The following BRWD3 variants were observed in gnomAD, a reference collection of about 807,000 sequenced individuals.
BRWD3 encodes bromodomain and WD repeat domain containing 3, also known as bromodomain and WD repeat-containing protein 3.
BRWD3 carries 10 observed loss-of-function variants against 149.7 expected under a neutral mutation model. The ratio of observed to expected loss-of-function variants is 0.07; its 90% CI spans 0.04 to 0.11. The LOEUF (loss-of-function observed/expected upper bound fraction) is 0.11. Among genes scored for constraint, BRWD3 ranks in the 10% least tolerant of loss-of-function variants. BRWD3 has a pLI of 1.00. For missense variants in BRWD3, 940 were observed against 1,373.2 expected (o/e 0.68, Z 4.99); for synonymous variants, 504 against 456.7 (o/e 1.10, Z -1.32).
chrX:80,748,907 T>C (rs1299235090), intron 6 of BRWD3, among the ~76,000 whole-genome samples: 5 of 111,561 alleles, frequency 4.5e-5, no homozygotes, highest in Non-Finnish European at 9.4e-5. Flanking sequence ...TTTTGGTAGG[T>C]TGTGTTTCCA....
At chrX:80,737,389 T>C (rs2073419754) in intron 8 of BRWD3, among the ~76,000 whole-genome samples, 1 of 112,262 alleles carries the variant, frequency 8.9e-6, no homozygotes, top group Non-Finnish European at 1.9e-5. Flanking sequence ...TAAGGGATAA[T>C]GACAAGAAAA....
At chrX:80,788,153 T>C (rs12688780) in intron 6 of BRWD3, among the ~76,000 whole-genome samples, 1 of 105,873 alleles carries the variant, frequency 9.4e-6, no homozygotes, top group South Asian at 4.2e-4. Flanking sequence ...GGTAATAAAA[T>C]AGGGCCAGGG....
chrX:80,749,682 G>C (rs999864799), intron 6 of BRWD3, among the ~76,000 whole-genome samples: 7 of 110,347 alleles, frequency 6.3e-5, no homozygotes, highest in African/African-American at 2.3e-4. Flanking sequence ...AACATTTACA[G>C]ATCTAATGCA....
At chrX:80,735,803 C>CAA (rs571194692) in intron 9 of BRWD3, among the ~76,000 whole-genome samples, 185 bp downstream of exon 9, 16 of 45,452 alleles carry the variant, frequency 3.5e-4, no homozygotes, top group East Asian at 1.4e-3. Flanking sequence ...GACTCTGTCT[C>CAA]AAAAAAAAAA....
intron 20 of BRWD3, among the ~76,000 whole-genome samples, chrX:80,715,444 CCA>C (rs762617252): frequency 3.6e-5 from 4 of 111,737 alleles, no homozygotes. Flanking sequence ...CTTCAAATTA[CCA>C]CACTCTACAG....
chrX:80,720,500 A>G (rs1206943587), intron 17 of BRWD3, among the ~76,000 whole-genome samples: 1 of 112,264 alleles, frequency 8.9e-6, no homozygotes, highest in Non-Finnish European at 1.9e-5. Flanking sequence ...ACAGCTGTAC[A>G]ATGTATTTGT....
Position 80,689,821 on chromosome X carries a change from C to A in BRWD3, c.3754G>T (p.Asp1252Tyr), listed in dbSNP as rs769240720. Residue 1252 changes from aspartate to tyrosine, a missense_variant, in exon 33 of 41, where the codon GAT becomes TAT. By Grantham distance (160) the Asp-to-Tyr change is radical. Around this residue, in one of 6 missense-constraint regions of BRWD3, gnomAD observed 349 missense variants for 419.6 expected, o/e 0.83. Coordinates refer to ENST00000373275, the MANE Select transcript of BRWD3 (RefSeq NM_153252.5). ...TCTGCTTTAATTTTATTATAAGTATCCAGTATATCAGTACAGCTCTGATCC... is the reference window on the plus strand; with the variant it reads ...TCTGCTTTAATTTTATTATAAGTATACAGTATATCAGTACAGCTCTGATCC... ...IGDQSCTDIL[D>Y]TYNKIKAEER... 2 of 1,200,751 alleles carry A rather than the reference C, an allele frequency of 1.7e-6. No homozygotes were observed. Among genetic ancestry groups the A allele is most frequent in the Non-Finnish European group, 2.3e-6 (2 of 887,057 alleles).
chrX:80,691,878 G>T lies in BRWD3; in HGVS notation c.3426C>A (p.Ser1142=). 8.3e-7 allele frequency: 1 copy of T among 1,210,418 alleles called. No individual in the cohort carries two copies. The highest frequency in any genetic ancestry group is 1.1e-6 in the Non-Finnish European group (1 of 895,188). ...KPQEGEWGAH[S]RDEECERVIQ... is the part of the protein sequence containing the mutation. Reference sequence around the variant, plus strand: ...TAACCCGTTCACATTCTTCGTCTCTGGAATGAGCCCCCCACTCTCCTTCCT... The same window carrying T: ...TAACCCGTTCACATTCTTCGTCTCTTGAATGAGCCCCCCACTCTCCTTCCT... The change falls in exon 30 of 41, where the codon TCC becomes TCA. Residue 1142 remains serine, a synonymous_variant. Transcript: ENST00000373275.
intron 6 of BRWD3, among the ~76,000 whole-genome samples, chrX:80,781,600 G>T (rs1238032869): frequency 1.8e-5 from 2 of 110,968 alleles, no homozygotes; most frequent in African/African-American, 6.6e-5. Flanking sequence ...TCGTGCAGTT[G>T]AGATTTCCTC....
At chrX:80,799,645 C>T (rs1484494088) in intron 4 of BRWD3, among the ~76,000 whole-genome samples, 1 of 111,787 alleles carries the variant, frequency 8.9e-6, no homozygotes, top group Non-Finnish European at 1.9e-5. Flanking sequence ...AGCTTTATAT[C>T]AATGTAAGTG....
At chrX:80,685,680 C>T in intron 35 of BRWD3, 144 bp from the exon 36 acceptor site, 1 of 489,096 alleles carries the variant, frequency 2.0e-6, no homozygotes, top group Non-Finnish European at 3.6e-6. Context: ...AGGAATTGTA[C>T]ATTCGTCATT....
At chrX:80,709,817 G>T in intron 20 of BRWD3, 1 of 471,815 alleles carries the variant, frequency 2.1e-6, no homozygotes, top group South Asian at 3.4e-5. Flanking sequence ...AAAAGTCTGG[G>T]TTGCAAAGTC....
At chrX:80,713,947 C>T (rs1340821240) in intron 20 of BRWD3, among the ~76,000 whole-genome samples, 1 of 111,668 alleles carries the variant, frequency 9.0e-6, no homozygotes, top group East Asian at 2.8e-4. Flanking sequence ...TCCAACCTGA[C>T]TTTGGCATAG....
chrX:80,704,341 A>G (rs752055658), intron 23 of BRWD3, among the ~76,000 whole-genome samples: 3 of 112,238 alleles, frequency 2.7e-5, no homozygotes, highest in South Asian at 3.7e-4. Flanking sequence ...ATGAGGACTC[A>G]AAATACCACA....
At chrX:80,710,106 TC>T in intron 20 of BRWD3, 1 of 666,887 alleles carries the variant, frequency 1.5e-6, no homozygotes, top group Non-Finnish European at 2.5e-6. Context: ...AAAAAAATTC[TC>T]CATATTGACA....
At chrX:80,808,894 ACAGCTACGGGTACC>A (rs2074379758) in intron 3 of BRWD3, 105 bp downstream of exon 3, 1 of 821,844 alleles carries the variant, frequency 1.2e-6, no homozygotes, top group African/African-American at 2.1e-5. Flanking sequence ...CCCGGTGACA[ACAGCTACGGGTACC>A]CAGATCGAAG....
At chrX:80,743,019 A>G (rs1277893475) in intron 8 of BRWD3, among the ~76,000 whole-genome samples, 1 of 111,580 alleles carries the variant, frequency 9.0e-6, no homozygotes, top group African/African-American at 3.3e-5. Flanking sequence ...TCAGTGTGAT[A>G]TTGGCTGTGG....
At position 80,672,741 on chromosome X, in the gene BRWD3, A is replaced by G. The variant is rs1447350955; in HGVS notation, c.*3868T>C. The G allele has an allele frequency of 2.7e-5, 3 of 111,722 alleles. No homozygotes were observed. The highest frequency in any genetic ancestry group is 3.8e-5 in the Non-Finnish European group (2 of 53,113). 9.2% of individuals were successfully genotyped at this position (111,722 alleles called of 1,213,427 possible). On this transcript the variant is annotated 3_prime_UTR_variant, in exon 41 of 41. Transcript: ENST00000373275. Reference sequence around the variant, plus strand: ...TAGCATTTAAAACAATGGACTTTACATGTCGAAAGTTCCATCCCTTCCCCT... The same window carrying G: ...TAGCATTTAAAACAATGGACTTTACGTGTCGAAAGTTCCATCCCTTCCCCT...
chrX:80,759,870 G>T (rs1431080410), intron 6 of BRWD3, among the ~76,000 whole-genome samples: 1 of 111,084 alleles, frequency 9.0e-6, no homozygotes, highest in Non-Finnish European at 1.9e-5. Flanking sequence ...CTAGTCTGTA[G>T]TATAATCCCA....
Sources: allele counts gnomAD v4.1 joint callset (sites outside exome capture counted in the v4.1 genomes callset), GRCh38; gene constraint gnomAD v4.1.1; regional missense constraint gnomAD v4.1.1; transcripts MANE v1.5; gene names NCBI Gene and HGNC (gene_info 2026-07-23, HGNC 2026-07-21).